The following TPST1 variants were observed in gnomAD, a reference collection of about 807,000 sequenced individuals.
TPST1 encodes the protein tyrosylprotein sulfotransferase 1, also known as protein-tyrosine sulfotransferase 1.
A neutral mutation model predicts 34.8 loss-of-function variants in TPST1; 20 were observed. The observed-to-expected ratio is 0.57, with a 90% CI of 0.40 to 0.84. The LOEUF (loss-of-function observed/expected upper bound fraction) is 0.84, where lower values mean the gene tolerates loss of function less well. TPST1 is among the 40% of genes least tolerant of loss of function. The pLI is 0.00. For missense variants in TPST1, 353 were observed against 455.5 expected (o/e 0.78, Z 2.05); for synonymous variants, 152 against 159.4 (o/e 0.95, Z 0.35).
intron 2 of TPST1, among the ~76,000 whole-genome samples, chr7:66,278,810 AG>A (rs1181476050): frequency 6.6e-6 from 1 of 152,118 alleles, no homozygotes; most frequent in African/African-American, 2.4e-5. Context: ...AAAAAAAAAA[AG>A]TTTATCATAG....
chr7:66,311,088 C>T lies in TPST1; in HGVS notation c.1044+24379C>T, dbSNP rs185979157. On this transcript the variant is annotated intron_variant, in intron 3 of 5. Transcript: ENST00000304842. ...AACCATGGAGTTAAATTCATTTCCT[C>T]AACTTGGCAGGATTTTTTTTTTCCC... Among the ~76,000 whole-genome samples the T allele has an allele frequency of 2.8e-3, 426 of 152,056 alleles. 2 individuals are homozygous for T. The highest frequency in any genetic ancestry group is 4.4e-3 in the Non-Finnish European group (298 of 67,982).
At chr7:66,255,888 A>G (rs1433184626) in intron 2 of TPST1, among the ~76,000 whole-genome samples, 1 of 152,136 alleles carries the variant, frequency 6.6e-6, no homozygotes, top group African/African-American at 2.4e-5. Flanking sequence ...GTGATTCATG[A>G]AGCAGTACAG....
chr7:66,234,966 C>A (rs1789881479), intron 1 of TPST1, among the ~76,000 whole-genome samples: 1 of 152,136 alleles, frequency 6.6e-6, no homozygotes, highest in African/African-American at 2.4e-5. Context: ...AGCCTCCGCG[C>A]CCAGCCGGAA....
chr7:66,268,397 T>C (rs1404544683), intron 2 of TPST1, among the ~76,000 whole-genome samples: 1 of 152,174 alleles, frequency 6.6e-6, no homozygotes, highest in African/African-American at 2.4e-5. Flanking sequence ...AAATCTACTA[T>C]ATGACTCAAG....
rs144268058 is a variant in TPST1, at chr7:66,240,662, G to A, written c.237G>A (p.Arg79=). The change falls in exon 2 of 6, where the codon CGG becomes CGA. Residue 79 remains arginine (R), a synonymous_variant. Coordinates refer to ENST00000304842, the MANE Select transcript of TPST1 (RefSeq NM_003596.4). ...TAATATTTATTGGAGGTGTGCCTCG[G>A]AGTGGAACCACACTCATGAGGGCCA... The part of the protein sequence containing the change: ...MPLIFIGGVP[R]SGTTLMRAML... The A allele has an allele frequency of 1.8e-4, 284 of 1,614,172 alleles. No homozygotes were observed. The African/African-American group carries it at 3.3e-3, about 19-fold the overall frequency.
rs1791419377 is a variant in TPST1, at chr7:66,306,165, A to G, written c.1044+19456A>G. 3.9e-5 allele frequency among the ~76,000 whole-genome samples: 6 copies of G among 152,340 alleles called. No homozygotes were observed. The South Asian group carries it at 1.2e-3, about 32-fold the overall frequency. On this transcript the variant is annotated intron_variant, in intron 3 of 5. Coordinates refer to ENST00000304842, the MANE Select transcript of TPST1 (RefSeq NM_003596.4). The stretch of plus-strand genomic sequence containing the variant: ...CGTCTCTCTCTCTCTCTCTCTGGAC[A>G]TAAAGACTGTTATCTTGTATAGACT...
upstream of TPST1, chr7:66,205,054 G>C (rs1196647374): frequency 6.6e-6 from 1 of 152,284 alleles, no homozygotes; most frequent in Non-Finnish European, 1.5e-5. This position sits in a 1 kb window ranked among gnomAD's most constrained non-coding sequence, Gnocchi z 5.0. Flanking sequence ...GCTGTTGCTA[G>C]GGCAACCACC....
chr7:66,326,142 A>T (rs530584169), intron 3 of TPST1, among the ~76,000 whole-genome samples: 1 of 152,318 alleles, frequency 6.6e-6, no homozygotes, highest in Admixed American at 6.5e-5. Flanking sequence ...AACTGTAAAA[A>T]TGGAGATGAC....
chr7:66,299,306 T>TG (rs1791265199), intron 3 of TPST1, among the ~76,000 whole-genome samples: 1 of 151,410 alleles, frequency 6.6e-6, no homozygotes, highest in African/African-American at 2.4e-5. Context: ...TAGGTTTTTT[T>TG]TTTTTTTTTT....
chr7:66,359,801 G>T, intron 5 of TPST1, 94 bp from the exon 6 acceptor site: 1 of 447,644 alleles, frequency 2.2e-6, no homozygotes, highest in East Asian at 7.1e-5. Flanking sequence ...CGCCTGGCTT[G>T]TCTAGGCCTG....
intron 3 of TPST1, among the ~76,000 whole-genome samples, chr7:66,342,062 G>A (rs554500747): frequency 1.3e-5 from 2 of 152,260 alleles, no homozygotes; most frequent in East Asian, 1.9e-4. Flanking sequence ...TCCAGAAAAA[G>A]AGAATAGAGA....
intron 1 of TPST1, among the ~76,000 whole-genome samples, chr7:66,227,792 A>G (rs1394003992): frequency 6.6e-6 from 1 of 151,476 alleles, no homozygotes; most frequent in East Asian, 1.9e-4. Context: ...AATATTTATT[A>G]AATCCTTTAT....
At chr7:66,211,012 G>A (rs1435668411) in intron 1 of TPST1, among the ~76,000 whole-genome samples, 1 of 151,390 alleles carries the variant, frequency 6.6e-6, no homozygotes, top group Admixed American at 6.6e-5. Context: ...CACACACCAG[G>A]ATAAATATTG....
At position 66,241,228 on chromosome 7, in the gene TPST1, A is replaced by G; in HGVS notation, c.803A>G (p.His268Arg). ...CCATGGAACCACTCAGTATTGCACC[A>G]TGAAGAGATGATTGGGAAAGCTGGG... ...QIPWNHSVLHHEEMIGKAGGV... is the reference protein window; with the variant it reads ...QIPWNHSVLHREEMIGKAGGV... Residue 268 changes from histidine to arginine, a missense_variant, in exon 2 of 6, where the codon CAT becomes CGT. Transcript: ENST00000304842. 1 of 1,611,018 alleles carries G rather than the reference A, an allele frequency of 6.2e-7. No homozygotes were observed. The highest frequency in any genetic ancestry group is 1.1e-5 in the South Asian group (1 of 90,430).
intron 1 of TPST1, among the ~76,000 whole-genome samples, chr7:66,216,846 G>T (rs952000850): frequency 6.6e-6 from 1 of 152,194 alleles, no homozygotes; most frequent in Non-Finnish European, 1.5e-5. Flanking sequence ...AGGTGTTTAC[G>T]CTATAAATTC....
chr7:66,206,179 G>A (rs1262934261), intron 1 of TPST1, among the ~76,000 whole-genome samples: 1 of 143,078 alleles, frequency 7.0e-6, no homozygotes, highest in Non-Finnish European at 1.5e-5. Context: ...GGCTGGCTTC[G>A]AACTCCTGAC....
At chr7:66,347,534 G>T (rs1021628027) in intron 3 of TPST1, among the ~76,000 whole-genome samples, 7 of 152,120 alleles carry the variant, frequency 4.6e-5, no homozygotes, top group Non-Finnish European at 1.0e-4. Context: ...CCATCAATCT[G>T]TGTGTCTATT....
rs185677224 is a variant in TPST1, at chr7:66,332,393, G to T, written c.1045-20112G>T. ...AGCGATTCTCCTGCCTCAGCCTCCC[G>T]AGTAGCTGGGATTACAGGTGCCCGC... On this transcript the variant is annotated intron_variant, in intron 3 of 5. Transcript: ENST00000304842. The surrounding 1 kb of genome is among the most constrained non-coding windows in gnomAD (Gnocchi z 4.5). 4.8e-3 allele frequency among the ~76,000 whole-genome samples: 729 copies of T among 151,868 alleles called. 4 individuals carry two copies. Among genetic ancestry groups the T allele is most frequent in the Non-Finnish European group, 6.6e-3 (445 of 67,936 alleles).
rs184928532 is a variant in TPST1 at position 66,216,395 on chromosome 7, C to T, written c.-102+10873C>T. ...TTTGGTTTTGTTGATTTTCTCTGTTCTATTTTCTGTTTTATTTATTTCACT... is the reference window on the plus strand; with the variant it reads ...TTTGGTTTTGTTGATTTTCTCTGTTTTATTTTCTGTTTTATTTATTTCACT... On this transcript the variant is annotated intron_variant, in intron 1 of 5. Coordinates refer to ENST00000304842, the MANE Select transcript of TPST1 (RefSeq NM_003596.4). Among the ~76,000 whole-genome samples, 324 of 149,480 alleles carry T rather than the reference C, an allele frequency of 2.2e-3. 2 individuals carry two copies. Among genetic ancestry groups the T allele is most frequent in the African/African-American group, 7.8e-3 (317 of 40,726 alleles).
Sources: allele counts gnomAD v4.1 joint callset (sites outside exome capture counted in the v4.1 genomes callset), GRCh38; gene constraint gnomAD v4.1.1; non-coding constraint Gnocchi (gnomAD v3.1); transcripts MANE v1.5; gene names NCBI Gene and HGNC (gene_info 2026-07-23, HGNC 2026-07-21).